Variants in WAPL observed in about 807,000 individuals in gnomAD.
The protein encoded by WAPL is wings apart-like protein homolog.
A neutral mutation model predicts 121.0 loss-of-function variants in WAPL; 5 were observed. That is an observed-to-expected ratio of 0.04 (90% CI 0.02 to 0.09). WAPL has a LOEUF of 0.09. Ranked by LOEUF, WAPL falls within the 10% of genes least tolerant of loss-of-function variation. The pLI, the probability that WAPL is intolerant of heterozygous loss-of-function variation, is 1.00. For synonymous variants in WAPL, 480 were observed against 481.5 expected (o/e 1.00, Z 0.04); for missense variants, 999 against 1,410.8 (o/e 0.71, Z 4.68).
At chr10:86,446,193 A>C (rs1191989020) in intron 16 of WAPL, 49 bp downstream of exon 16, 1 of 1,599,974 alleles carries the variant, frequency 6.3e-7, no homozygotes, top group African/African-American at 1.3e-5. Context: ...AAAAAAACAA[A>C]ATCAAACCAC....
At chr10:86,442,229 GC>G (rs1422743695) in intron 17 of WAPL, among the ~76,000 whole-genome samples, 19 of 152,048 alleles carry the variant, frequency 1.2e-4, no homozygotes, top group African/African-American at 4.6e-4. Flanking sequence ...ACATGGTTCT[GC>G]CATGTTGGCA....
rs766968900 is a variant in WAPL at position 86,446,305 on chromosome 10, T to C, written c.3259A>G (p.Thr1087Ala). ...GEIQWVSTEK[T>A]DGTEEKHKKE... is the part of the protein sequence containing the mutation. ...TTATGTTTCTCTTCTGTACCATCAG[T>C]CTTTTCAGTTGACACCCACTGTATT... Residue 1087 changes from threonine to alanine, a missense_variant, in exon 16 of 19, where the codon ACT (threonine) becomes GCT (alanine). By Grantham distance (58) the Thr-to-Ala change is moderately conservative (BLOSUM62 0). Coordinates refer to ENST00000298767, the MANE Select transcript of WAPL (RefSeq NM_015045.5). 1 of 1,614,198 alleles carries C rather than the reference T, an allele frequency of 6.2e-7. No homozygotes were observed. The highest frequency in any genetic ancestry group is 1.1e-5 in the South Asian group (1 of 91,088).
intron 2 of WAPL, among the ~76,000 whole-genome samples, chr10:86,512,578 T>C (rs900508368): frequency 1.3e-5 from 2 of 152,200 alleles, no homozygotes; most frequent in Non-Finnish European, 2.9e-5. Context: ...GGAGATCTCT[T>C]AGAAGGGTGG....
At chr10:86,517,513 T>G (rs113571505) in intron 2 of WAPL, 58 bp downstream of exon 2, 3 of 1,516,798 alleles carry the variant, frequency 2.0e-6, no homozygotes, top group African/African-American at 1.4e-5. Flanking sequence ...TTAAATCATT[T>G]AAATAAATTG....
intron 8 of WAPL, among the ~76,000 whole-genome samples, chr10:86,467,869 G>A (rs1178956071): frequency 2.0e-5 from 3 of 151,598 alleles, no homozygotes; most frequent in African/African-American, 2.4e-5. Context: ...TAGTAGAGAC[G>A]GGGTTTCACG....
rs560606364 is a variant in WAPL at position 86,452,620 on chromosome 10, A to C, written c.2950-489T>G. ...CAAAAACAAACAAAAAAAGAACAAAAAAAACAAAACAAAAAAACCACCGAT... is the reference window on the plus strand; with the variant it reads ...CAAAAACAAACAAAAAAAGAACAAACAAAACAAAACAAAAAAACCACCGAT... On this transcript the variant is annotated intron_variant, in intron 14 of 18. Coordinates refer to ENST00000298767, the MANE Select transcript of WAPL (RefSeq NM_015045.5). 3.3e-5 allele frequency among the ~76,000 whole-genome samples: 5 copies of C among 152,222 alleles called. No individual in the cohort carries two copies. The East Asian group carries it at 7.7e-4, about 24-fold the overall frequency.
intron 4 of WAPL, among the ~76,000 whole-genome samples, chr10:86,480,608 TAAAA>T (rs1017011534): frequency 6.8e-6 from 1 of 146,684 alleles, no homozygotes; most frequent in Non-Finnish European, 1.5e-5. Flanking sequence ...AATTTAGAAA[TAAAA>T]AAACCGGAAG....
At chr10:86,486,067 A>C (rs1265134531) in intron 4 of WAPL, among the ~76,000 whole-genome samples, 1 of 152,154 alleles carries the variant, frequency 6.6e-6, no homozygotes, top group Non-Finnish European at 1.5e-5. Context: ...TCACCAATCC[A>C]ATTGCTACAG....
chr10:86,436,198 TAACA>T lies in WAPL; in HGVS notation c.*1341_*1344del, dbSNP rs1849316892. Reference sequence around the variant, plus strand: ...CGATTTGTCACTTTATACAAGGAAATAACAAAGTCTAAATGGGTAAAAATTAGAC... The same window carrying T: ...CGATTTGTCACTTTATACAAGGAAATAAGTCTAAATGGGTAAAAATTAGAC... On this transcript the variant is annotated 3_prime_UTR_variant, in exon 19 of 19. Coordinates refer to ENST00000298767, the MANE Select transcript of WAPL (RefSeq NM_015045.5). 1.3e-5 allele frequency: 2 copies of T among 152,586 alleles called. No homozygotes were observed. Among genetic ancestry groups the T allele is most frequent in the Non-Finnish European group, 2.9e-5 (2 of 68,018 alleles). 9.5% of individuals were successfully genotyped at this position (152,586 alleles called of 1,614,324 possible).
chr10:86,517,545 G>T (rs747021993), intron 2 of WAPL, 26 bp downstream of exon 2: 3 of 1,571,922 alleles, frequency 1.9e-6, no homozygotes, highest in Non-Finnish European at 2.6e-6. Flanking sequence ...CTCTCTTGGC[G>T]GAGAATAAAG....
intron 4 of WAPL, among the ~76,000 whole-genome samples, chr10:86,495,237 C>G (rs1159348852): frequency 6.6e-6 from 1 of 152,138 alleles, no homozygotes; most frequent in Non-Finnish European, 1.5e-5. Flanking sequence ...GAGGCCAAGG[C>G]AGGCAGATAG....
intron 4 of WAPL, among the ~76,000 whole-genome samples, chr10:86,478,160 T>C (rs1357481429): frequency 6.7e-6 from 1 of 150,202 alleles, no homozygotes; most frequent in Non-Finnish European, 1.5e-5. Flanking sequence ...CTAAGCATGG[T>C]AGCTCTCACC....
At chr10:86,517,148 TA>T (rs1842570171) in intron 2 of WAPL, among the ~76,000 whole-genome samples, 2 of 152,308 alleles carry the variant, frequency 1.3e-5, no homozygotes, top group South Asian at 4.1e-4. Context: ...AATACCCCCT[TA>T]ATCTTTCTGA....
intron 2 of WAPL, among the ~76,000 whole-genome samples, chr10:86,504,494 G>A (rs1842306923): frequency 1.5e-5 from 1 of 65,962 alleles, no homozygotes; most frequent in Non-Finnish European, 3.1e-5. Context: ...AGCTAACACG[G>A]TGACACCCCA....
At chr10:86,454,986 G>A (rs1370303583) in intron 12 of WAPL, among the ~76,000 whole-genome samples, 2 of 149,794 alleles carry the variant, frequency 1.3e-5, no homozygotes, top group Admixed American at 6.6e-5. Flanking sequence ...GAAGTGAGGA[G>A]CGTCTCCGCC....
At chr10:86,447,428 A>G (rs982378780) in intron 15 of WAPL, among the ~76,000 whole-genome samples, 4 of 152,214 alleles carry the variant, frequency 2.6e-5, no homozygotes, top group Admixed American at 1.3e-4. Context: ...TGAAAAGGCC[A>G]AAAAAGGAAG....
chr10:86,458,939 T>C, intron 12 of WAPL, 50 bp downstream of exon 12: 1 of 1,474,612 alleles, frequency 6.8e-7, no homozygotes, highest in Non-Finnish European at 9.4e-7. Context: ...AATCCAAATG[T>C]TTAAAATAAG....
chr10:86,445,728 A>G (rs1227765157), intron 16 of WAPL, among the ~76,000 whole-genome samples: 2 of 151,878 alleles, frequency 1.3e-5, no homozygotes, highest in African/African-American at 4.8e-5. Flanking sequence ...GTCTTGCTAG[A>G]TTGTTGTCTC....
intron 12 of WAPL, 89 bp downstream of exon 12, chr10:86,458,900 G>A: frequency 9.6e-7 from 1 of 1,041,480 alleles, no homozygotes. Flanking sequence ...CATGGAGGAA[G>A]CTAATCCAAA....
Sources: gnomAD v4.1 joint callset for allele counts (sites outside exome capture counted in the v4.1 genomes callset) on GRCh38, gnomAD v4.1.1 for gene constraint, MANE v1.5 for transcripts, NCBI Gene and HGNC (gene_info 2026-07-23, HGNC 2026-07-21) for gene names.